Variants in USP9X observed in about 807,000 individuals in gnomAD.
USP9X encodes ubiquitin carboxyl-terminal hydrolase 9X.
In USP9X, 7 loss-of-function variants were observed where a neutral mutation model predicts 190.3. The ratio of observed to expected loss-of-function variants is 0.04; its 90% CI spans 0.02 to 0.07. The LOEUF (loss-of-function observed/expected upper bound fraction) is 0.07. Among genes scored for constraint, USP9X ranks in the 10% least tolerant of loss-of-function variants. The pLI is 1.00. For missense variants in USP9X, 1,010 were observed against 1,916.9 expected (o/e 0.53, Z 8.83); for synonymous variants, 645 against 659.5 (o/e 0.98, Z 0.34).
chrX:41,197,365 A>C lies in USP9X; in HGVS notation c.4235A>C (p.Asp1412Ala). The change falls in exon 29 of 45, where the codon GAT (aspartate) becomes GCT (alanine). Residue 1412 changes from aspartate (D) to alanine (A), a missense_variant and splice_region_variant. By Grantham distance (126) the Asp-to-Ala change is moderately radical. Around this residue, in one of 11 missense-constraint regions of USP9X, gnomAD observed 351 missense variants for 480.8 expected, o/e 0.73. Coordinates refer to ENST00000378308, the MANE Select transcript of USP9X (RefSeq NM_001039591.3). ...NEIDWLKRIR[D>A]DVKRTGETGI... ...CACCCCACCCCCCGCCTTTGGCAGG[A>C]TGATGTTAAAAGAACAGGAGAAACG... 2.6e-6 allele frequency: 1 copy of C among 380,585 alleles called. No homozygotes were observed. Among genetic ancestry groups the C allele is most frequent in the Non-Finnish European group, 4.0e-6 (1 of 248,680 alleles). The allele number at this position is 380,585 out of a possible 1,213,427, so 31.4% of individuals were successfully genotyped here. A position where few individuals can be genotyped will look rare whatever the true frequency, so the allele number is the denominator to read the frequency against.
intron 21 of USP9X, among the ~76,000 whole-genome samples, chrX:41,175,397 T>G (rs928762655): frequency 9.0e-6 from 1 of 110,708 alleles, no homozygotes; most frequent in Admixed American, 9.6e-5. Context: ...GATGCGCACC[T>G]GTAGTCCCAG....
chrX:41,089,077 T>G lies in USP9X; in HGVS notation c.-159+2968T>G, dbSNP rs190535225. Among the ~76,000 whole-genome samples, 38 of 112,732 alleles carry G rather than the reference T, an allele frequency of 3.4e-4. No homozygotes were observed. In the East Asian group the frequency reaches 0.01, roughly 31 times the overall value. Reference sequence around the variant, plus strand: ...TTTTAAAAGCATTGTGGATGATTCTTACATGCATTTGGAGTTGAAAACCAC... The same window carrying G: ...TTTTAAAAGCATTGTGGATGATTCTGACATGCATTTGGAGTTGAAAACCAC... On this transcript the variant is annotated intron_variant, in intron 1 of 44. Transcript: ENST00000378308.
At chrX:41,213,375 A>G (rs980034512) in intron 33 of USP9X, among the ~76,000 whole-genome samples, 3 of 112,203 alleles carry the variant, frequency 2.7e-5, no homozygotes, top group Admixed American at 1.9e-4. Flanking sequence ...TACAGTATTC[A>G]TTGAATTACA....
chrX:41,095,179 T>C (rs1275025033), intron 1 of USP9X, among the ~76,000 whole-genome samples: 1 of 112,175 alleles, frequency 8.9e-6, no homozygotes, highest in Non-Finnish European at 1.9e-5. Context: ...CTCTGAAGTA[T>C]GGTGAACCAG....
chrX:41,181,976 A>G (rs749950093), intron 21 of USP9X, among the ~76,000 whole-genome samples: 69 of 112,008 alleles, frequency 6.2e-4, no homozygotes, highest in African/African-American at 2.0e-3. Context: ...GTAACATGAT[A>G]TAATCAGGGA....
intron 21 of USP9X, 151 bp downstream of exon 21, chrX:41,172,109 G>GT (rs2062732016): frequency 1.7e-6 from 1 of 576,207 alleles, no homozygotes; most frequent in Non-Finnish European, 2.5e-6. Context: ...CCCCCTGCTT[G>GT]TTTTTGTGCA....
At chrX:41,198,484 A>AT in intron 29 of USP9X, 44 bp from the exon 30 acceptor site, 1 of 1,025,470 alleles carries the variant, frequency 9.8e-7, no homozygotes. Flanking sequence ...TTTTCTAAAA[A>AT]TATATAGCAT....
chrX:41,212,803 G>T (rs541347295), intron 33 of USP9X, among the ~76,000 whole-genome samples: 1 of 111,149 alleles, frequency 9.0e-6, no homozygotes, highest in Non-Finnish European at 1.9e-5. Context: ...TTGGGTGAGA[G>T]GTAATACTAT....
Position 41,188,040 on chromosome X carries a change from A to G in USP9X, c.3733A>G (p.Ile1245Val). Residue 1245 changes from isoleucine to valine, a missense_variant, in exon 25 of 45, where the codon ATT becomes GTT. By Grantham distance (29) the Ile-to-Val change is conservative (BLOSUM62 3). Transcript: ENST00000378308. ...DICVIRAIQK[I>V]IWASGCGSLQ... is the part of the protein sequence containing the mutation. ...TTGTGTAATTAGAGCTATACAAAAAATTATCTGGGCATCAGGATGTGGGTC... is the reference window on the plus strand; with the variant it reads ...TTGTGTAATTAGAGCTATACAAAAAGTTATCTGGGCATCAGGATGTGGGTC... 1 of 1,209,425 alleles carries G rather than the reference A, an allele frequency of 8.3e-7. No individual in the cohort carries two copies. Among genetic ancestry groups the G allele is most frequent in the East Asian group, 3.0e-5 (1 of 33,844 alleles).
At chrX:41,231,517 C>A (rs997377233) in intron 44 of USP9X, among the ~76,000 whole-genome samples, 26 of 110,635 alleles carry the variant, frequency 2.4e-4, no homozygotes, top group African/African-American at 8.2e-4. Flanking sequence ...CACCTGAGGT[C>A]AGGAGTTTGA....
At chrX:41,090,502 T>C (rs955744934) in intron 1 of USP9X, among the ~76,000 whole-genome samples, 24 of 112,701 alleles carry the variant, frequency 2.1e-4, no homozygotes, top group African/African-American at 6.1e-4. Flanking sequence ...GTCTTCAACG[T>C]GTGTATACAC....
intron 21 of USP9X, 67 bp from the exon 22 acceptor site, chrX:41,183,931 A>G: frequency 8.9e-7 from 1 of 1,125,061 alleles, no homozygotes; most frequent in Non-Finnish European, 1.2e-6. Flanking sequence ...GGTCTTCAAG[A>G]TATCAAAAGT....
chrX:41,097,726 T>C lies in USP9X; in HGVS notation c.-159+11617T>C, dbSNP rs764868656. Reference sequence around the variant, plus strand: ...GAAGACAACTGGATTCTCTGCCTCCTTCTGCCTTCAATCTATTGCGATATA... The same window carrying C: ...GAAGACAACTGGATTCTCTGCCTCCCTCTGCCTTCAATCTATTGCGATATA... On this transcript the variant is annotated intron_variant, in intron 1 of 44. Coordinates refer to ENST00000378308, the MANE Select transcript of USP9X (RefSeq NM_001039591.3). 3.6e-5 allele frequency among the ~76,000 whole-genome samples: 4 copies of C among 112,170 alleles called. No homozygotes were observed. In the East Asian group the frequency reaches 8.3e-4, roughly 23 times the overall value.
chrX:41,223,142 GC>G (rs1312118046), intron 38 of USP9X, 74 bp from the exon 39 acceptor site: 1 of 968,153 alleles, frequency 1.0e-6, no homozygotes, highest in African/African-American at 2.0e-5. Flanking sequence ...TATTCATGAA[GC>G]CCTTGCCATC....
intron 32 of USP9X, 122 bp downstream of exon 32, chrX:41,205,615 C>A: frequency 3.2e-6 from 2 of 615,791 alleles, no homozygotes; most frequent in Non-Finnish European, 4.6e-6. Context: ...AATATTCAAA[C>A]TGTCCTTAAT....
intron 14 of USP9X, among the ~76,000 whole-genome samples, chrX:41,159,769 C>G: frequency 9.0e-6 from 1 of 111,071 alleles, no homozygotes; most frequent in East Asian, 2.8e-4. Flanking sequence ...GATGATCAGC[C>G]CTCCTCAGCC....
At chrX:41,177,136 A>G (rs1282288710) in intron 21 of USP9X, among the ~76,000 whole-genome samples, 2 of 112,102 alleles carry the variant, frequency 1.8e-5, no homozygotes, top group African/African-American at 6.5e-5. Context: ...GAATGTTCTC[A>G]CTTACATTAA....
At chrX:41,180,161 AT>A (rs1351341043) in intron 21 of USP9X, among the ~76,000 whole-genome samples, 1 of 112,164 alleles carries the variant, frequency 8.9e-6, no homozygotes, top group East Asian at 2.8e-4. Flanking sequence ...TTGCTTTGCA[AT>A]TATTATGGGA....
intron 31 of USP9X, 22 bp downstream of exon 31, chrX:41,201,302 T>C: frequency 8.6e-7 from 1 of 1,156,950 alleles, no homozygotes; most frequent in Non-Finnish European, 1.2e-6. Context: ...TTACCATTTC[T>C]GTTTTCTGTG....
Sources: allele counts gnomAD v4.1 joint callset (sites outside exome capture counted in the v4.1 genomes callset), GRCh38; gene constraint gnomAD v4.1.1; regional missense constraint gnomAD v4.1.1; transcripts MANE v1.5; gene names NCBI Gene and HGNC (gene_info 2026-07-23, HGNC 2026-07-21).